CECR2: variants seen among roughly 807,000 people sequenced by gnomAD.
CECR2 encodes CECR2 histone acetyl-lysine reader.
Under a neutral mutation model 154.5 loss-of-function variants are expected in CECR2, and 30 were observed. The ratio of observed to expected loss-of-function variants is 0.19; its 90% CI spans 0.15 to 0.26. CECR2 has a LOEUF of 0.26. Ranked by LOEUF, CECR2 falls within the 10% of genes least tolerant of loss-of-function variation. The probability of loss-of-function intolerance (pLI) is 1.00; values close to 1 mark genes in which losing one functional copy is unlikely to be tolerated. For synonymous variants in CECR2, 725 were observed against 683.7 expected (o/e 1.06, Z -0.94); for missense variants, 1,743 against 1,829.3 (o/e 0.95, Z 0.86).
intron 8 of CECR2, among the ~76,000 whole-genome samples, chr22:17,521,432 C>A (rs1389325017): frequency 6.6e-6 from 1 of 151,588 alleles, no homozygotes; most frequent in Non-Finnish European, 1.5e-5. Context: ...CCCAGCTACT[C>A]AGGAGGCTGA....
At chr22:17,524,808 A>G in intron 9 of CECR2, 1 of 368,538 alleles carries the variant, frequency 2.7e-6, no homozygotes, top group South Asian at 1.8e-5. Flanking sequence ...AGTAGCTAGG[A>G]CTATAGGCGT....
chr22:17,538,897 C>A, intron 12 of CECR2, 96 bp from the exon 13 acceptor site: 1 of 1,443,732 alleles, frequency 6.9e-7, no homozygotes. Flanking sequence ...TACAGATCAG[C>A]ATTGCTGAAT....
At chr22:17,387,080 T>C (rs936156980) in intron 1 of CECR2, among the ~76,000 whole-genome samples, 1 of 152,236 alleles carries the variant, frequency 6.6e-6, no homozygotes, top group Admixed American at 6.5e-5. Context: ...AAATGTTACT[T>C]TGTGATCCTT....
At chr22:17,443,457 A>G (rs926992710) in intron 1 of CECR2, among the ~76,000 whole-genome samples, 9 of 152,152 alleles carry the variant, frequency 5.9e-5, no homozygotes, top group Non-Finnish European at 1.2e-4. Context: ...ACTCCCTGGG[A>G]GCCAAGGGCA....
intron 8 of CECR2, among the ~76,000 whole-genome samples, chr22:17,512,101 T>G (rs935435780): frequency 1.3e-5 from 2 of 152,152 alleles, no homozygotes; most frequent in Non-Finnish European, 2.9e-5. Context: ...TCTGACAATC[T>G]CCTGGGATGG....
chr22:17,361,453 C>T lies in CECR2; in HGVS notation c.-364+1430C>T, dbSNP rs5749056. Among the ~76,000 whole-genome samples, 3,794 of 151,056 alleles carry T rather than the reference C, an allele frequency of 0.025. 336 individuals are homozygous for T. In the East Asian group the frequency reaches 0.33, roughly 13 times the overall value. ...GTGCACCATTGCACTCCAGCCTGGA[C>T]GACAGAGTGAGAGTCCATCTCAAAC... is the stretch of plus-strand genomic sequence containing the variant. On this transcript the variant is annotated intron_variant, in intron 1 of 18. Coordinates refer to the CECR2 transcript ENST00000400585.
chr22:17,483,819 A>G (rs2055372227), intron 2 of CECR2, among the ~76,000 whole-genome samples: 1 of 152,200 alleles, frequency 6.6e-6, no homozygotes, highest in African/African-American at 2.4e-5. Context: ...CTTCACATTC[A>G]TTTACTACTC....
At chr22:17,395,477 C>T (rs796217976) in intron 1 of CECR2, among the ~76,000 whole-genome samples, 3 of 151,976 alleles carry the variant, frequency 2.0e-5, no homozygotes, top group African/African-American at 2.4e-5. Context: ...CTCAAGTAGC[C>T]GCGATTACAG....
chr22:17,396,585 A>G (rs2053815347), intron 1 of CECR2, among the ~76,000 whole-genome samples: 1 of 152,194 alleles, frequency 6.6e-6, no homozygotes, highest in Non-Finnish European at 1.5e-5. Context: ...GTTAAAAGGA[A>G]ATTTTATGTA....
intron 4 of CECR2, 138 bp from the exon 5 acceptor site, chr22:17,500,493 G>C: frequency 6.5e-6 from 4 of 612,404 alleles, no homozygotes; most frequent in Non-Finnish European, 5.6e-6. Context: ...ATGAAGACTG[G>C]AAGTTGCTGT....
At chr22:17,549,625 A>G (rs1021039379) in intron 17 of CECR2, 61 bp downstream of exon 17, 2 of 1,374,340 alleles carry the variant, frequency 1.5e-6, no homozygotes, top group East Asian at 2.5e-5. Context: ...TTATGTATTT[A>G]TTTTTGAGAC....
intron 7 of CECR2, among the ~76,000 whole-genome samples, chr22:17,511,270 A>G (rs1569132354): frequency 1.3e-5 from 2 of 152,294 alleles, no homozygotes; most frequent in African/African-American, 4.8e-5. Context: ...GAAATTTCCT[A>G]TAAGGACTGC....
At chr22:17,394,480 C>T (rs751933578) in intron 1 of CECR2, among the ~76,000 whole-genome samples, 8 of 151,968 alleles carry the variant, frequency 5.3e-5, no homozygotes, top group East Asian at 1.9e-4. Flanking sequence ...AAGCTTTGAG[C>T]GTGAACCACC....
chr22:17,454,618 A>C (rs1038640658), intron 1 of CECR2, among the ~76,000 whole-genome samples: 3 of 152,004 alleles, frequency 2.0e-5, no homozygotes, highest in Admixed American at 6.5e-5. Flanking sequence ...AAAAAAAAAA[A>C]AACCCTGCAG....
chr22:17,465,742 C>G (rs576354872), intron 1 of CECR2, among the ~76,000 whole-genome samples: 11 of 152,252 alleles, frequency 7.2e-5, no homozygotes, highest in Middle Eastern at 3.4e-3. Context: ...CTCAGCCTCC[C>G]AAAGTGCCAG....
intron 1 of CECR2, among the ~76,000 whole-genome samples, chr22:17,435,775 C>CT: frequency 6.6e-6 from 1 of 151,384 alleles, no homozygotes; most frequent in African/African-American, 2.4e-5. Flanking sequence ...CATCCCATCC[C>CT]TTATACAGTG....
At chr22:17,430,643 A>T (rs954468852) in intron 1 of CECR2, among the ~76,000 whole-genome samples, 2 of 152,098 alleles carry the variant, frequency 1.3e-5, no homozygotes, top group African/African-American at 2.4e-5. Flanking sequence ...CCTAAGCCTG[A>T]CTTGTACTCT....
intron 16 of CECR2, 51 bp downstream of exon 16, chr22:17,543,054 T>C: frequency 6.6e-7 from 1 of 1,526,626 alleles, no homozygotes; most frequent in Non-Finnish European, 8.8e-7. Flanking sequence ...TCATGAGTAA[T>C]CTTTTTACAC....
intron 1 of CECR2, among the ~76,000 whole-genome samples, chr22:17,413,726 G>C (rs1282892616): frequency 1.3e-5 from 2 of 151,944 alleles, no homozygotes; most frequent in South Asian, 2.1e-4. Context: ...GCCCAGGCTG[G>C]AGTACAGTGG....
Sources: allele counts gnomAD v4.1 joint callset (sites outside exome capture counted in the v4.1 genomes callset), GRCh38; gene constraint gnomAD v4.1.1; transcripts MANE v1.5; gene names NCBI Gene and HGNC (gene_info 2026-07-23, HGNC 2026-07-21).